Variants in AHRR observed in about 807,000 individuals in gnomAD.
AHRR encodes the protein ahR repressor.
In AHRR, 28 loss-of-function variants were observed where a neutral mutation model predicts 44.0. The observed-to-expected ratio is 0.64, with a 90% CI of 0.47 to 0.87. The LOEUF (loss-of-function observed/expected upper bound fraction) is 0.87. AHRR is among the 40% of genes least tolerant of loss of function. AHRR has a pLI of 0.00. For synonymous variants in AHRR, 434 were observed against 407.0 expected (o/e 1.07, Z -0.80); for missense variants, 990 against 953.9 (o/e 1.04, Z -0.50).
chr5:376,550 G>T, intron 3 of AHRR, 60 bp from the exon 4 acceptor site: 2 of 1,422,290 alleles, frequency 1.4e-6, no homozygotes, highest in Non-Finnish European at 1.9e-6. Flanking sequence ...AGATGTGAAT[G>T]AAGAAGAGTG....
At chr5:413,088 C>T (rs568824325) in intron 4 of AHRR, among the ~76,000 whole-genome samples, 29 of 152,220 alleles carry the variant, frequency 1.9e-4, no homozygotes, top group African/African-American at 6.5e-4. Flanking sequence ...CTCACTGTCG[C>T]GTCAAGACAA....
At chr5:428,051 GC>G (rs143087196) in intron 8 of AHRR, 45 bp downstream of exon 8, 550,275 of 1,574,864 alleles carry the variant, frequency 0.35, 105,934 homozygotes, top group Non-Finnish European at 0.4. Context: ...CCTGCTGGCG[GC>G]CCCCACAAAA....
chr5:413,614 G>T (rs188870382), intron 5 of AHRR, among the ~76,000 whole-genome samples, 181 bp downstream of exon 5: 2 of 152,306 alleles, frequency 1.3e-5, no homozygotes, highest in Middle Eastern at 3.4e-3. Flanking sequence ...TTCCAGCCTG[G>T]GTTCGGGGTC....
chr5:350,721 C>T (rs1034479060), intron 2 of AHRR, among the ~76,000 whole-genome samples: 2 of 151,862 alleles, frequency 1.3e-5, no homozygotes, highest in African/African-American at 4.8e-5. Context: ...CCCAATTCTC[C>T]CGCCTATTTA....
rs17562461 is a variant in AHRR, at chr5:411,246, G to A, written c.352-2098G>A. ...GAGGAGGGACTACATACATACTTTT[G>A]AAACAGTCATTTTAAGCTCACTGGC... On this transcript the variant is annotated intron_variant, in intron 4 of 10. Coordinates refer to ENST00000684583, the MANE Select transcript of AHRR (RefSeq NM_001377236.1). The surrounding 1 kb of genome is among the most constrained non-coding windows in gnomAD (Gnocchi z 4.2). 0.23 allele frequency among the ~76,000 whole-genome samples: 35,147 copies of A among 151,532 alleles called. 5,349 individuals are homozygous for A. Among genetic ancestry groups the A allele is most frequent in the Non-Finnish European group, 0.34 (23,024 of 67,906 alleles).
At chr5:332,847 T>C (rs894048307) in intron 1 of AHRR, among the ~76,000 whole-genome samples, 1 of 152,108 alleles carries the variant, frequency 6.6e-6, no homozygotes, top group African/African-American at 2.4e-5. Flanking sequence ...GGTGCACCAA[T>C]GTTGGATGCA....
chr5:396,937 C>G (rs1019084910), intron 4 of AHRR, among the ~76,000 whole-genome samples: 5 of 152,104 alleles, frequency 3.3e-5, no homozygotes, highest in African/African-American at 9.7e-5. Flanking sequence ...ACCGGCCTCT[C>G]TGTGACTTTT....
chr5:397,910 TTAGCCCCTGACCATCCACG>T lies in AHRR; in HGVS notation c.352-15396_352-15378del, dbSNP rs1560907362. On this transcript the variant is annotated intron_variant, in intron 4 of 10. Transcript: ENST00000684583. ...TCCACGTAGCTCCTGACCATCCATG[TTAGCCCCTGACCATCCACG>T]TAGCCCCTGACCATCCACGTAGCCC... Among the ~76,000 whole-genome samples the T allele has an allele frequency of 8.6e-5, 9 of 104,312 alleles. No homozygotes were observed. The East Asian group carries it at 1.5e-3, about 18-fold the overall frequency. 68.4% of individuals were successfully genotyped at this position (104,312 alleles called of 152,430 possible).
intron 3 of AHRR, among the ~76,000 whole-genome samples, chr5:372,529 G>A (rs143685642): frequency 3.7e-4 from 56 of 152,246 alleles, no homozygotes; most frequent in African/African-American, 1.3e-3. Flanking sequence ...TCCCTGTCCA[G>A]CACTGAAGAC....
At chr5:433,521 C>T (rs945696024) in intron 10 of AHRR, among the ~76,000 whole-genome samples, 4 of 152,214 alleles carry the variant, frequency 2.6e-5, no homozygotes, top group South Asian at 2.1e-4. Flanking sequence ...CCATTTGCAC[C>T]GCCCTTCCCC....
At chr5:361,862 T>C (rs1348272132) in intron 3 of AHRR, among the ~76,000 whole-genome samples, 2 of 152,340 alleles carry the variant, frequency 1.3e-5, no homozygotes, top group Non-Finnish European at 2.9e-5. Context: ...TAGATGGTAG[T>C]TAAATGAAAC....
chr5:376,209 G>A (rs2126442310), intron 3 of AHRR, among the ~76,000 whole-genome samples: 1 of 142,192 alleles, frequency 7.0e-6, no homozygotes, highest in East Asian at 1.9e-4. Context: ...AGGGGCCGTA[G>A]GGACCTCCTG....
At chr5:376,551 A>AAGG (rs1733685461) in intron 3 of AHRR, 59 bp from the exon 4 acceptor site, 28 of 1,403,464 alleles carry the variant, frequency 2.0e-5, no homozygotes, top group South Asian at 8.5e-5. Flanking sequence ...GATGTGAATG[A>AAGG]AGAAGAGTGG....
At chr5:324,059 CTT>C (rs775289710) in intron 1 of AHRR, among the ~76,000 whole-genome samples, 8 of 147,824 alleles carry the variant, frequency 5.4e-5, no homozygotes, top group African/African-American at 1.1e-4. Context: ...CTCTCTCTCT[CTT>C]TCTTTCCTTT....
chr5:428,997 C>T (rs1579711191), intron 8 of AHRR, among the ~76,000 whole-genome samples: 2 of 152,238 alleles, frequency 1.3e-5, no homozygotes, highest in African/African-American at 4.8e-5. Flanking sequence ...GGGCCCACCT[C>T]CTGCCATGCA....
intron 10 of AHRR, 66 bp downstream of exon 10, chr5:433,013 G>T: frequency 6.7e-7 from 1 of 1,489,142 alleles, no homozygotes; most frequent in Middle Eastern, 2.1e-4. Context: ...AGGCCAAAGA[G>T]CGGGTGGGGG....
chr5:332,685 G>A lies in AHRR; in HGVS notation c.-11+10866G>A, dbSNP rs117173418. 7.6e-4 allele frequency among the ~76,000 whole-genome samples: 116 copies of A among 152,246 alleles called. 2 individuals carry two copies. The East Asian group carries it at 0.021, about 28-fold the overall frequency. ...ATTCTATAATGTAAATGTATGTGGA[G>A]GCCTAAAGTCCAGTTGAAATCCCAT... On this transcript the variant is annotated intron_variant, in intron 1 of 10. Coordinates refer to ENST00000684583, the MANE Select transcript of AHRR (RefSeq NM_001377236.1).
chr5:421,211 C>T (rs971783967), intron 5 of AHRR: 8 of 674,370 alleles, frequency 1.2e-5, no homozygotes, highest in South Asian at 1.1e-4. Context: ...GCGGACCCAG[C>T]GGCCTCCTCG....
chr5:433,918 C>T lies in AHRR; in HGVS notation c.1178C>T (p.Thr393Ile). ...TCTGGAGTGACAGGGCGGAGGGAGA[C>T]TCCAGGACCCACAAAGCCCCTGCCC... ...RASGVTGRRE[T>I]PGPTKPLPWT... Residue 393 changes from threonine (T) to isoleucine (I), a missense_variant, in exon 11 of 11, where the codon ACT becomes ATT. Thr to Ile is a moderately conservative substitution (Grantham distance 89). Coordinates refer to ENST00000684583, the MANE Select transcript of AHRR (RefSeq NM_001377236.1). The T allele has an allele frequency of 6.5e-7, 1 of 1,535,250 alleles. No individual in the cohort carries two copies. Among genetic ancestry groups the T allele is most frequent in the South Asian group, 1.3e-5 (1 of 77,880 alleles).
Sources: gnomAD v4.1 joint callset for allele counts (sites outside exome capture counted in the v4.1 genomes callset) on GRCh38, gnomAD v4.1.1 for gene constraint, Gnocchi (gnomAD v3.1) non-coding constraint, MANE v1.5 for transcripts, NCBI Gene and HGNC (gene_info 2026-07-23, HGNC 2026-07-21) for gene names.